Variants in SGCZ observed in about 807,000 individuals in gnomAD.
SGCZ encodes the protein zeta-sarcoglycan.
SGCZ carries 40 observed loss-of-function variants against 41.3 expected under a neutral mutation model. The observed-to-expected ratio is 0.97, with a 90% CI of 0.75 to 1.26. SGCZ has a LOEUF of 1.26. Ranked by LOEUF, SGCZ falls within the 50% of genes most tolerant of loss-of-function variation. The pLI is 0.00. For missense variants in SGCZ, 552 were observed against 369.8 expected (o/e 1.49, Z -4.04); for synonymous variants, 206 against 137.5 (o/e 1.50, Z -3.49).
chr8:15,210,509 T>C (rs997914413), intron 1 of SGCZ, among the ~76,000 whole-genome samples: 7 of 152,168 alleles, frequency 4.6e-5, no homozygotes, highest in Non-Finnish European at 8.8e-5. Flanking sequence ...CCTTTGCCTC[T>C]GTGCCTTACT....
intron 2 of SGCZ, among the ~76,000 whole-genome samples, chr8:14,539,134 C>G (rs761282195): frequency 6.6e-6 from 1 of 151,966 alleles, no homozygotes; most frequent in East Asian, 1.9e-4. Flanking sequence ...ACTGACTTCC[C>G]CAGAGGAAGA....
intron 1 of SGCZ, among the ~76,000 whole-genome samples, chr8:15,098,549 T>C (rs1361667623): frequency 9.2e-5 from 14 of 152,338 alleles, no homozygotes; most frequent in Middle Eastern, 3.4e-3. Context: ...GTATATCTTA[T>C]AAAATGTCAA....
intron 1 of SGCZ, among the ~76,000 whole-genome samples, chr8:15,011,414 T>A (rs1802823978): frequency 6.6e-6 from 1 of 152,220 alleles, no homozygotes; most frequent in Non-Finnish European, 1.5e-5. Context: ...TACAGCTTTT[T>A]AAAATATTCA....
intron 1 of SGCZ, among the ~76,000 whole-genome samples, chr8:14,612,583 C>A (rs1024416643): frequency 1.3e-5 from 2 of 152,150 alleles, no homozygotes; most frequent in Non-Finnish European, 2.9e-5. Context: ...TTATTTTCCC[C>A]CAAAGGCCAT....
intron 1 of SGCZ, among the ~76,000 whole-genome samples, chr8:15,012,609 A>T (rs1356011055): frequency 7.2e-6 from 1 of 138,640 alleles, no homozygotes. Flanking sequence ...TTTATATAAT[A>T]CATATATGTT....
intron 3 of SGCZ, among the ~76,000 whole-genome samples, chr8:14,263,523 T>C (rs995065191): frequency 6.6e-6 from 1 of 152,074 alleles, no homozygotes; most frequent in African/African-American, 2.4e-5. Context: ...CACTCCAGTC[T>C]GAATGAGAAA....
intron 1 of SGCZ, among the ~76,000 whole-genome samples, chr8:15,011,324 G>C (rs1311736108): frequency 6.6e-6 from 1 of 151,942 alleles, no homozygotes; most frequent in Admixed American, 6.6e-5. Flanking sequence ...AACTTGAAAG[G>C]AAACAAAAAC....
At chr8:14,287,957 C>A (rs1028372657) in intron 3 of SGCZ, among the ~76,000 whole-genome samples, 5 of 152,100 alleles carry the variant, frequency 3.3e-5, no homozygotes, top group African/African-American at 1.2e-4. Context: ...TGAAGTAAAA[C>A]AGAAATTCTG....
intron 1 of SGCZ, among the ~76,000 whole-genome samples, chr8:14,964,285 A>G (rs1302659642): frequency 6.6e-6 from 1 of 152,204 alleles, no homozygotes; most frequent in African/African-American, 2.4e-5. Context: ...CTGTTCTGTC[A>G]TATCACAAGA....
intron 5 of SGCZ, among the ~76,000 whole-genome samples, chr8:14,142,137 G>A (rs1344278133): frequency 1.3e-5 from 2 of 152,096 alleles, no homozygotes; most frequent in African/African-American, 4.8e-5. Flanking sequence ...TGGACACAGG[G>A]TGGGGAACAT....
At chr8:14,704,345 T>C (rs1809261648) in intron 1 of SGCZ, among the ~76,000 whole-genome samples, 1 of 152,054 alleles carries the variant, frequency 6.6e-6, no homozygotes, top group Non-Finnish European at 1.5e-5. Context: ...AATCATTTTT[T>C]TGAAATTATA....
At chr8:14,212,875 A>C (rs1312550942) in intron 4 of SGCZ, among the ~76,000 whole-genome samples, 1 of 152,150 alleles carries the variant, frequency 6.6e-6, no homozygotes, top group East Asian at 1.9e-4. Flanking sequence ...TTTATTTAAA[A>C]ATACCAAATG....
At chr8:15,119,413 C>G (rs111598553) in intron 1 of SGCZ, among the ~76,000 whole-genome samples, 2 of 151,728 alleles carry the variant, frequency 1.3e-5, no homozygotes, top group African/African-American at 4.9e-5. Flanking sequence ...GCCTGTGGTC[C>G]CAGCTACTCA....
intron 1 of SGCZ, among the ~76,000 whole-genome samples, chr8:15,098,155 G>A (rs186803156): frequency 2.7e-5 from 4 of 150,780 alleles, no homozygotes; most frequent in Admixed American, 6.6e-5. Flanking sequence ...AAGGAGGTAA[G>A]AAAACAGATG....
intron 1 of SGCZ, among the ~76,000 whole-genome samples, chr8:14,866,411 A>G (rs1339542220): frequency 6.6e-6 from 1 of 152,138 alleles, no homozygotes; most frequent in East Asian, 1.9e-4. Context: ...GAACAAGCAC[A>G]GTCATTATTC....
intron 1 of SGCZ, among the ~76,000 whole-genome samples, chr8:15,223,529 A>G (rs1417724659): frequency 2.0e-5 from 3 of 152,184 alleles, no homozygotes; most frequent in Non-Finnish European, 4.4e-5. Context: ...TTAATTCTGT[A>G]TTTGATCCAG....
chr8:15,226,679 C>T (rs765866765), intron 1 of SGCZ, among the ~76,000 whole-genome samples: 2 of 152,294 alleles, frequency 1.3e-5, no homozygotes, highest in East Asian at 1.9e-4. Flanking sequence ...AATCCCTTCA[C>T]GTTAATTCCA....
At chr8:14,419,942 A>G (rs537611667) in intron 2 of SGCZ, among the ~76,000 whole-genome samples, 7 of 152,184 alleles carry the variant, frequency 4.6e-5, no homozygotes, top group Admixed American at 2.6e-4. Context: ...TCATTACAGA[A>G]CAATGGTTTA....
chr8:14,702,433 ACGAC>A (rs1809168228), intron 1 of SGCZ, among the ~76,000 whole-genome samples: 1 of 151,942 alleles, frequency 6.6e-6, no homozygotes, highest in Non-Finnish European at 1.5e-5. Flanking sequence ...GATTATATCT[ACGAC>A]TAAATAGGAA....
Sources: allele counts gnomAD v4.1 joint callset (sites outside exome capture counted in the v4.1 genomes callset), GRCh38; gene constraint gnomAD v4.1.1; transcripts MANE v1.5; gene names NCBI Gene and HGNC (gene_info 2026-07-23, HGNC 2026-07-21).